The following ADARB2 variants were observed in gnomAD, a reference collection of about 807,000 sequenced individuals.
The protein encoded by ADARB2 is inactive double-stranded RNA-specific editase B2.
ADARB2 carries 25 observed loss-of-function variants against 62.2 expected under a neutral mutation model. The observed-to-expected ratio is 0.40, with a 90% CI of 0.29 to 0.56. ADARB2 has a LOEUF of 0.56. ADARB2 is among the 20% of genes least tolerant of loss of function. ADARB2 has a pLI of 0.43. For missense variants in ADARB2, 1,071 were observed against 1,077.4 expected, an observed-to-expected ratio of 0.99 and a Z score of 0.08; for synonymous variants, 572 against 500.8, an observed-to-expected ratio of 1.14 and a Z score of -1.90.
In ADARB2 at chr10:1,200,869, G is replaced by C. The variant is rs187857921; in HGVS notation, c.1683-722C>G. ...AATCCTACCTCCTTCAGCAGCAAGCGTTACGTAGCTAATTTCTTACATCAT... is the reference window on the plus strand; with the variant it reads ...AATCCTACCTCCTTCAGCAGCAAGCCTTACGTAGCTAATTTCTTACATCAT... On this transcript the variant is annotated intron_variant, in intron 7 of 9. Transcript: ENST00000381312. 8.5e-5 allele frequency among the ~76,000 whole-genome samples: 13 copies of C among 152,208 alleles called. No individual in the cohort carries two copies. The East Asian group carries it at 1.9e-3, about 23-fold the overall frequency.
chr10:1,371,979 G>A (rs1390226848), intron 2 of ADARB2, among the ~76,000 whole-genome samples: 1 of 151,976 alleles, frequency 6.6e-6, no homozygotes, highest in South Asian at 2.1e-4. Flanking sequence ...CAAAGGAAAA[G>A]AAAATCATTA....
intron 1 of ADARB2, among the ~76,000 whole-genome samples, chr10:1,594,353 C>A (rs1180022627): frequency 6.6e-6 from 1 of 152,126 alleles, no homozygotes; most frequent in East Asian, 1.9e-4. Flanking sequence ...GCGTGACTGC[C>A]TCCCGGGGCG....
intron 3 of ADARB2, among the ~76,000 whole-genome samples, chr10:1,281,475 C>T (rs565601092): frequency 4.9e-4 from 75 of 152,346 alleles, no homozygotes; most frequent in African/African-American, 1.7e-3. Flanking sequence ...GCTGGTCGAT[C>T]CTGGTCCAAT....
intron 1 of ADARB2, among the ~76,000 whole-genome samples, chr10:1,610,129 A>C (rs1325756535): frequency 1.3e-5 from 2 of 152,098 alleles, no homozygotes; most frequent in Admixed American, 1.3e-4. Flanking sequence ...GAGATGTTAA[A>C]TTGCACAGTG....
chr10:1,660,844 T>C (rs1834237195), intron 1 of ADARB2, among the ~76,000 whole-genome samples: 2 of 152,176 alleles, frequency 1.3e-5, no homozygotes, highest in African/African-American at 4.8e-5. Context: ...CATCACCATC[T>C]TGGACAAACG....
chr10:1,218,239 T>C (rs1048496904), intron 6 of ADARB2, among the ~76,000 whole-genome samples: 2 of 151,980 alleles, frequency 1.3e-5, no homozygotes. Context: ...TCAGTAGAGA[T>C]GGGGTTTCGC....
At chr10:1,339,110 A>G (rs1831999543) in intron 3 of ADARB2, among the ~76,000 whole-genome samples, 1 of 152,142 alleles carries the variant, frequency 6.6e-6, no homozygotes, top group Non-Finnish European at 1.5e-5. Context: ...TGGACCCCAC[A>G]CTAGCCGGGT....
chr10:1,304,075 C>G (rs1831601809), intron 3 of ADARB2, among the ~76,000 whole-genome samples: 2 of 150,792 alleles, frequency 1.3e-5, no homozygotes, highest in South Asian at 4.2e-4. Context: ...AAGACACAGA[C>G]TGGCAAATTG....
chr10:1,690,511 A>G (rs1410363439), intron 1 of ADARB2, among the ~76,000 whole-genome samples: 1 of 152,228 alleles, frequency 6.6e-6, no homozygotes, highest in South Asian at 2.1e-4. Context: ...GACAGGCATC[A>G]GAATTCCAGA....
intron 6 of ADARB2, among the ~76,000 whole-genome samples, chr10:1,232,457 TG>T (rs1445382584): frequency 6.6e-6 from 1 of 150,504 alleles, no homozygotes; most frequent in African/African-American, 2.5e-5. Context: ...GTGGTATGCA[TG>T]TATGGCATAT....
intron 1 of ADARB2, among the ~76,000 whole-genome samples, chr10:1,672,753 C>G (rs1434527557): frequency 2.1e-4 from 16 of 76,064 alleles, no homozygotes; most frequent in East Asian, 6.1e-4. Context: ...CTCCCTCCCT[C>G]CACGCACACA....
intron 1 of ADARB2, among the ~76,000 whole-genome samples, chr10:1,553,062 C>T (rs957138166): frequency 1.3e-5 from 2 of 152,188 alleles, no homozygotes; most frequent in Non-Finnish European, 1.5e-5. Flanking sequence ...AGCTCCCTGC[C>T]GGAGACCCTG....
intron 3 of ADARB2, among the ~76,000 whole-genome samples, chr10:1,283,762 C>A (rs1318463726): frequency 1.3e-5 from 2 of 152,166 alleles, no homozygotes; most frequent in African/African-American, 2.4e-5. Context: ...TGGACTTGTA[C>A]AGATACTTGC....
At chr10:1,288,510 C>G (rs1831433806) in intron 3 of ADARB2, among the ~76,000 whole-genome samples, 1 of 152,206 alleles carries the variant, frequency 6.6e-6, no homozygotes, top group Non-Finnish European at 1.5e-5. Flanking sequence ...AAACTCCTTG[C>G]CCAGCACACA....
Position 1,273,103 on chromosome 10 carries a change from G to T in ADARB2, c.1078-2034C>A, listed in dbSNP as rs186951438. Among the ~76,000 whole-genome samples, 258 of 152,300 alleles carry T rather than the reference G, an allele frequency of 1.7e-3. 7 individuals are homozygous for T. The highest frequency in any genetic ancestry group is 2.6e-4 in the Non-Finnish European group (18 of 68,028). ...TTTAGGGCCCACTTGGGCAATCCAG[G>T]ATGAGGCCATCTCAAAGTCCTTAAC... On this transcript the variant is annotated intron_variant, in intron 3 of 9. Coordinates refer to ENST00000381312, the MANE Select transcript of ADARB2 (RefSeq NM_018702.4).
chr10:1,185,071 A>G (rs1359388227), intron 8 of ADARB2, 32 bp from the exon 9 acceptor site: 2 of 1,598,170 alleles, frequency 1.3e-6, no homozygotes, highest in South Asian at 1.1e-5. Context: ...GCGGGCGTTA[A>G]TATTCCTGGC....
rs146699650 is a variant in ADARB2 at position 1,479,537 on chromosome 10, C to T, written c.101-100377G>A. The stretch of plus-strand genomic sequence containing the variant: ...TTGAAAACCTGTTTCTGAGAGGAAC[C>T]CAGGACAGCCTGCTGAGGAAAGCAG... On this transcript the variant is annotated intron_variant, in intron 1 of 9. Transcript: ENST00000381312. Among the ~76,000 whole-genome samples, 941 of 152,160 alleles carry T rather than the reference C, an allele frequency of 6.2e-3. 11 individuals are homozygous for T. The highest frequency in any genetic ancestry group is 0.02 in the African/African-American group (820 of 41,492).
chr10:1,661,301 T>G (rs547015113), intron 1 of ADARB2, among the ~76,000 whole-genome samples: 39 of 152,338 alleles, frequency 2.6e-4, no homozygotes, highest in African/African-American at 9.1e-4. Flanking sequence ...TCCCAGTGGT[T>G]TTGTGTACCT....
chr10:1,547,524 G>A (rs1446692067), intron 1 of ADARB2, among the ~76,000 whole-genome samples: 4 of 114,152 alleles, frequency 3.5e-5, no homozygotes, highest in African/African-American at 1.4e-4. Context: ...GCAAGTCTAT[G>A]TACTGTGTTG....
Sources: allele counts gnomAD v4.1 joint callset (sites outside exome capture counted in the v4.1 genomes callset), GRCh38; gene constraint gnomAD v4.1.1; transcripts MANE v1.5; gene names NCBI Gene and HGNC (gene_info 2026-07-23, HGNC 2026-07-21).